The following GPHN variants were observed in gnomAD, a reference collection of about 807,000 sequenced individuals.
GPHN encodes gephyrin.
In GPHN, 17 loss-of-function variants were observed where a neutral mutation model predicts 95.5. That is an observed-to-expected ratio of 0.18 (90% CI 0.12 to 0.27). GPHN has a LOEUF of 0.27. Among genes scored for constraint, GPHN ranks in the 10% least tolerant of loss-of-function variants. The pLI, the probability that GPHN is intolerant of heterozygous loss-of-function variation, is 1.00. For missense variants in GPHN, 660 were observed against 978.1 expected (o/e 0.67, Z 4.34); for synonymous variants, 320 against 322.5 (o/e 0.99, Z 0.08).
In GPHN at chr14:67,086,823, G is replaced by A. The variant is rs961056997; in HGVS notation, c.1145-2160G>A. 3.3e-5 allele frequency among the ~76,000 whole-genome samples: 5 copies of A among 151,264 alleles called. No homozygotes were observed. The South Asian group carries it at 1.0e-3, about 32-fold the overall frequency. ...GGAGGCCAAGGTGGGCGGATCATGA[G>A]GTCAGGAGATCGAGACCATCCTGGA... On this transcript the variant is annotated intron_variant, in intron 11 of 22. Coordinates refer to ENST00000478722, the MANE Select transcript of GPHN (RefSeq NM_020806.5).
At chr14:66,565,200 G>A (rs2060412124) in intron 1 of GPHN, among the ~76,000 whole-genome samples, 1 of 152,152 alleles carries the variant, frequency 6.6e-6, no homozygotes, top group East Asian at 1.9e-4. Context: ...TTTTGTAGGA[G>A]AGATAGGATA....
intron 2 of GPHN, among the ~76,000 whole-genome samples, chr14:66,715,241 C>A (rs2070058052): frequency 6.6e-6 from 1 of 152,044 alleles, no homozygotes; most frequent in South Asian, 2.1e-4. Context: ...TCCATCTCTT[C>A]TAGGTGTTCT....
chr14:67,157,850 A>G (rs913394343), intron 18 of GPHN, among the ~76,000 whole-genome samples: 2 of 149,742 alleles, frequency 1.3e-5, no homozygotes, highest in African/African-American at 4.9e-5. Flanking sequence ...GAAAGAGAAA[A>G]AGAGAGAGAG....
the GPHN span, chr14:67,557,514 C>A: frequency 8.7e-7 from 1 of 1,148,858 alleles, no homozygotes; most frequent in Non-Finnish European, 1.2e-6. Context: ...CCCTCTAGTG[C>A]TGGGGAACTC....
At chr14:67,450,834 C>T in the GPHN span, among the ~76,000 whole-genome samples, 18 of 152,286 alleles carry the variant, frequency 1.2e-4, no homozygotes, top group Admixed American at 1.2e-3. Context: ...GCATAAGTAA[C>T]GAGGAGTTGA....
the GPHN span, among the ~76,000 whole-genome samples, chr14:67,723,069 C>A: frequency 6.6e-6 from 1 of 152,104 alleles, no homozygotes; most frequent in African/African-American, 2.4e-5. Flanking sequence ...AGACTCTGTC[C>A]CTATTCAGGG....
the GPHN span, chr14:67,383,584 G>C: frequency 8.1e-7 from 1 of 1,228,024 alleles, no homozygotes; most frequent in South Asian, 1.3e-5. Flanking sequence ...TAACAGATCA[G>C]AACATGAAAT....
the GPHN span, among the ~76,000 whole-genome samples, chr14:67,319,045 G>GA: frequency 6.7e-6 from 1 of 148,972 alleles, no homozygotes; most frequent in Non-Finnish European, 1.5e-5. Context: ...GCGACAGAGC[G>GA]AGACTCCGTC....
At chr14:66,694,612 A>G (rs764792501) in intron 2 of GPHN, among the ~76,000 whole-genome samples, 1 of 152,164 alleles carries the variant, frequency 6.6e-6, no homozygotes, top group Non-Finnish European at 1.5e-5. Flanking sequence ...AAACTATAAA[A>G]CTGCCAGACA....
the GPHN span, among the ~76,000 whole-genome samples, chr14:67,426,764 G>A: frequency 2.6e-4 from 40 of 152,218 alleles, no homozygotes; most frequent in Admixed American, 2.5e-3. Context: ...CAGTGCAGAC[G>A]GGGTTTCTCC....
At chr14:67,709,189 A>G in the GPHN span, among the ~76,000 whole-genome samples, 11 of 152,228 alleles carry the variant, frequency 7.2e-5, no homozygotes, top group Admixed American at 4.6e-4. Flanking sequence ...AACACTTGAT[A>G]TCACAAAATA....
intron 13 of GPHN, among the ~76,000 whole-genome samples, chr14:67,103,706 AT>A (rs2077868503): frequency 6.6e-6 from 1 of 150,706 alleles, no homozygotes; most frequent in Non-Finnish European, 1.5e-5. Flanking sequence ...AATGCTATTC[AT>A]TTTTGTGTGT....
the GPHN span, among the ~76,000 whole-genome samples, chr14:67,514,545 G>A: frequency 6.6e-6 from 1 of 152,054 alleles, no homozygotes; most frequent in Non-Finnish European, 1.5e-5. Flanking sequence ...TGCACCCTGG[G>A]GAGAAGGCGG....
At chr14:67,595,053 C>A in the GPHN span, among the ~76,000 whole-genome samples, 1,399 of 152,120 alleles carry the variant, frequency 9.2e-3, 28 homozygotes, top group African/African-American at 0.032. Flanking sequence ...AGGAGAATGG[C>A]GTGAACCCAG....
chr14:66,954,469 T>A (rs1463302279), intron 8 of GPHN, among the ~76,000 whole-genome samples: 1 of 152,054 alleles, frequency 6.6e-6, no homozygotes, highest in African/African-American at 2.4e-5. Flanking sequence ...GATTTTTGTG[T>A]GTTCTTCATG....
intron 5 of GPHN, among the ~76,000 whole-genome samples, 167 bp downstream of exon 5, chr14:66,880,200 A>T (rs1293312773): frequency 6.7e-6 from 1 of 149,152 alleles, no homozygotes; most frequent in African/African-American, 2.5e-5. Flanking sequence ...TATCATTGTT[A>T]AAAAAAAAAG....
At chr14:67,287,986 T>G in the GPHN span, among the ~76,000 whole-genome samples, 339 of 152,286 alleles carry the variant, frequency 2.2e-3, 1 homozygote, top group Non-Finnish European at 3.9e-3. Flanking sequence ...TACAATTACC[T>G]TCTGGGCTGT....
At chr14:66,595,018 A>G in intron 1 of GPHN, among the ~76,000 whole-genome samples, 1 of 152,240 alleles carries the variant, frequency 6.6e-6, no homozygotes, top group South Asian at 2.1e-4. Flanking sequence ...AAAATAAGAC[A>G]TATAATTGGC....
chr14:67,448,929 GT>G, the GPHN span, among the ~76,000 whole-genome samples: 1 of 152,202 alleles, frequency 6.6e-6, no homozygotes, highest in Non-Finnish European at 1.5e-5. Flanking sequence ...CTTCATGGCT[GT>G]GAAAGACCAT....
Sources: allele counts gnomAD v4.1 joint callset (sites outside exome capture counted in the v4.1 genomes callset), GRCh38; gene constraint gnomAD v4.1.1; transcripts MANE v1.5; gene names NCBI Gene and HGNC (gene_info 2026-07-23, HGNC 2026-07-21).